Variants in MAD1L1 observed in about 807,000 individuals in gnomAD.
MAD1L1 encodes the protein mitotic spindle assembly checkpoint protein MAD1.
In MAD1L1, 95 loss-of-function variants were observed where a neutral mutation model predicts 96.9. The ratio of observed to expected loss-of-function variants is 0.98; its 90% CI spans 0.83 to 1.16. The LOEUF (loss-of-function observed/expected upper bound fraction) is 1.16. MAD1L1 is among the 50% of genes most tolerant of loss of function. The pLI, the probability that MAD1L1 is intolerant of heterozygous loss-of-function variation, is 0.00. For missense variants in MAD1L1, 1,007 were observed against 954.4 expected (o/e 1.06, Z -0.73); for synonymous variants, 473 against 396.6 (o/e 1.19, Z -2.29).
rs149180500 is a variant in MAD1L1, at chr7:1,865,383, C to T, written c.1998+32817G>A. On this transcript the variant is annotated intron_variant, in intron 18 of 18. Transcript: ENST00000265854. ...GGGCCCCCAGGCCTGGTGCCAGCCCCGGGGCATCCCAGCCCTGCTGCTGCC... is the reference window on the plus strand; with the variant it reads ...GGGCCCCCAGGCCTGGTGCCAGCCCTGGGGCATCCCAGCCCTGCTGCTGCC... Among the ~76,000 whole-genome samples, 640 of 152,344 alleles carry T rather than the reference C, an allele frequency of 4.2e-3. 6 individuals are homozygous for T. The highest frequency in any genetic ancestry group is 0.015 in the African/African-American group (604 of 41,580).
intron 10 of MAD1L1, among the ~76,000 whole-genome samples, chr7:2,212,872 T>C (rs942359437): frequency 6.6e-6 from 1 of 152,216 alleles, no homozygotes; most frequent in Non-Finnish European, 1.5e-5. Flanking sequence ...AAATGAATGA[T>C]TTCCCCCAAA....
chr7:1,897,916 C>T (rs372373978), intron 18 of MAD1L1, among the ~76,000 whole-genome samples: 2 of 152,244 alleles, frequency 1.3e-5, no homozygotes, highest in East Asian at 1.9e-4. Context: ...CCTCATGGAA[C>T]GAAGCCCAAG....
At chr7:1,847,377 A>C (rs1418198190) in intron 18 of MAD1L1, 7 of 470,958 alleles carry the variant, frequency 1.5e-5, no homozygotes, top group Non-Finnish European at 2.2e-5. Flanking sequence ...CAGGGTGTGC[A>C]GCGTTACGTG....
intron 14 of MAD1L1, among the ~76,000 whole-genome samples, chr7:2,000,690 T>C (rs1011622866): frequency 6.6e-6 from 1 of 152,162 alleles, no homozygotes; most frequent in Non-Finnish European, 1.5e-5. Context: ...ACAGTGTGCC[T>C]CCAGGAGGGC....
intron 18 of MAD1L1, among the ~76,000 whole-genome samples, chr7:1,893,609 T>A (rs1786687516): frequency 6.6e-6 from 1 of 152,054 alleles, no homozygotes; most frequent in Non-Finnish European, 1.5e-5. Flanking sequence ...CGTGGCCCTA[T>A]CTCAGGAGGG....
intron 10 of MAD1L1, among the ~76,000 whole-genome samples, chr7:2,159,310 C>A (rs984764304): frequency 6.6e-6 from 1 of 152,236 alleles, no homozygotes; most frequent in East Asian, 1.9e-4. Flanking sequence ...CCTCCCACAA[C>A]GGGAGCCACA....
chr7:2,014,528 C>T lies in MAD1L1; in HGVS notation c.1333G>A (p.Val445Met), dbSNP rs752371152. 9 of 1,607,256 alleles carry T rather than the reference C, an allele frequency of 5.6e-6. No individual in the cohort carries two copies. The African/African-American group carries it at 9.3e-5, about 17-fold the overall frequency. The change falls in exon 13 of 19, where the codon GTG becomes ATG. Residue 445 changes from valine to methionine, a missense_variant. Physicochemically the swap from Val to Met is conservative, Grantham distance 21 (BLOSUM62 1). Coordinates refer to ENST00000265854, the MANE Select transcript of MAD1L1 (RefSeq NM_001013836.2). ...MREAEDMVQK[V>M]HSHSAEMEAQ... ...TCCATCTCGGCGCTGTGGCTGTGCACCTTCTGCACCATATCCTCAGCCTCC... is the reference window on the plus strand; with the variant it reads ...TCCATCTCGGCGCTGTGGCTGTGCATCTTCTGCACCATATCCTCAGCCTCC...
intron 12 of MAD1L1, among the ~76,000 whole-genome samples, chr7:2,046,857 C>T (rs1480649167): frequency 6.6e-6 from 1 of 152,184 alleles, no homozygotes; most frequent in Non-Finnish European, 1.5e-5. Context: ...GGAGGAGCAG[C>T]GCTCCCTGTG....
At chr7:1,875,295 G>A (rs1785324443) in intron 18 of MAD1L1, among the ~76,000 whole-genome samples, 2 of 152,238 alleles carry the variant, frequency 1.3e-5, no homozygotes, top group African/African-American at 4.8e-5. Flanking sequence ...TAGGACCTGG[G>A]CTGAGGCTGC....
intron 12 of MAD1L1, among the ~76,000 whole-genome samples, chr7:2,053,642 GC>G (rs1226178980): frequency 6.6e-6 from 1 of 152,176 alleles, no homozygotes; most frequent in African/African-American, 2.4e-5. Context: ...TCCAGCCAGG[GC>G]CTGGGGACAC....
chr7:1,915,707 C>T lies in MAD1L1; in HGVS notation c.1808-17317G>A, dbSNP rs1227127639. Among the ~76,000 whole-genome samples the T allele has an allele frequency of 6.6e-5, 10 of 152,234 alleles. No individual in the cohort carries two copies. The East Asian group carries it at 9.6e-4, about 15-fold the overall frequency. ...CAAAAAGCAAGTGAAAGCAACTCCACGGGGAAAGAAAAGTCTTTTCCGCCA... is the reference window on the plus strand; with the variant it reads ...CAAAAAGCAAGTGAAAGCAACTCCATGGGGAAAGAAAAGTCTTTTCCGCCA... On this transcript the variant is annotated intron_variant, in intron 17 of 18. Coordinates refer to ENST00000265854, the MANE Select transcript of MAD1L1 (RefSeq NM_001013836.2).
intron 11 of MAD1L1, among the ~76,000 whole-genome samples, chr7:2,093,605 C>T (rs1786325994): frequency 6.6e-6 from 1 of 152,204 alleles, no homozygotes; most frequent in Non-Finnish European, 1.5e-5. Flanking sequence ...TGCTGACATC[C>T]CCTTCGCTCT....
At chr7:2,004,997 C>T (rs1351883289) in intron 13 of MAD1L1, among the ~76,000 whole-genome samples, 1 of 152,226 alleles carries the variant, frequency 6.6e-6, no homozygotes, top group African/African-American at 2.4e-5. Context: ...CTCAGACTCG[C>T]GCACTGGTCT....
intron 18 of MAD1L1, chr7:1,874,635 C>A: frequency 2.3e-6 from 1 of 427,412 alleles, no homozygotes; most frequent in South Asian, 1.7e-5. Flanking sequence ...GCCTGGTGGG[C>A]TTAGGAATTG....
At chr7:1,831,076 C>T (rs1170575094) in intron 18 of MAD1L1, among the ~76,000 whole-genome samples, 30 of 28,158 alleles carry the variant, frequency 1.1e-3, no homozygotes, top group Admixed American at 9.6e-3. Flanking sequence ...CCAATTCGCC[C>T]TGTGTTCACA....
chr7:1,922,254 C>T (rs1238576486), intron 17 of MAD1L1, among the ~76,000 whole-genome samples: 1 of 152,272 alleles, frequency 6.6e-6, no homozygotes, highest in African/African-American at 2.4e-5. Flanking sequence ...TACTGCGCTG[C>T]ACCCCACGAG....
intron 17 of MAD1L1, among the ~76,000 whole-genome samples, chr7:1,917,646 G>C (rs1788495898): frequency 6.6e-6 from 1 of 152,224 alleles, no homozygotes; most frequent in African/African-American, 2.4e-5. Flanking sequence ...AAAGAGGAGA[G>C]AAGAAGGGTG....
intron 11 of MAD1L1, among the ~76,000 whole-genome samples, chr7:2,129,877 G>C (rs964818581): frequency 1.3e-5 from 2 of 152,340 alleles, no homozygotes; most frequent in Non-Finnish European, 1.5e-5. Context: ...AGGCAGCTGG[G>C]TCAGCAGGTG....
chr7:2,073,692 T>C (rs1860827), intron 11 of MAD1L1, among the ~76,000 whole-genome samples: 109,564 of 152,178 alleles, frequency 0.72, 39,816 homozygotes, highest in Admixed American at 0.8. Context: ...GCGTGTGTTC[T>C]GCAGCACCCC....
Sources: allele counts gnomAD v4.1 joint callset (sites outside exome capture counted in the v4.1 genomes callset), GRCh38; gene constraint gnomAD v4.1.1; transcripts MANE v1.5; gene names NCBI Gene and HGNC (gene_info 2026-07-23, HGNC 2026-07-21).